Variants in CCDC175 observed in about 807,000 individuals in gnomAD.
CCDC175 encodes coiled-coil domain-containing protein 175.
CCDC175 carries 100 observed loss-of-function variants against 114.6 expected under a neutral mutation model. The ratio of observed to expected loss-of-function variants is 0.87; its 90% CI spans 0.74 to 1.03. The LOEUF (loss-of-function observed/expected upper bound fraction) is 1.03, where lower values mean the gene tolerates loss of function less well. CCDC175 is among the 50% of genes least tolerant of loss of function. The probability of loss-of-function intolerance (pLI) is 0.00; values close to 1 mark genes in which losing one functional copy is unlikely to be tolerated. For missense variants in CCDC175, 880 were observed against 917.8 expected (o/e 0.96, Z 0.53); for synonymous variants, 306 against 308.7 (o/e 0.99, Z 0.09).
chr14:59,551,919 G>A (rs1895525471), intron 7 of CCDC175, among the ~76,000 whole-genome samples: 1 of 152,252 alleles, frequency 6.6e-6, no homozygotes, highest in Non-Finnish European at 1.5e-5. Context: ...CGAGGCTGGG[G>A]GAGGGGCGCC....
rs1566645848 is a variant in CCDC175, at chr14:59,576,548, G to C, written c.157+71C>G. On this transcript the variant is annotated intron_variant, in intron 1 of 19. Transcript: ENST00000537690. Reference sequence around the variant, plus strand: ...TCCGGGAGGAGAGTCCCCGCTCAGGGTTCCCGCTGAGTGCCTCCTAAGCGC... The same window carrying C: ...TCCGGGAGGAGAGTCCCCGCTCAGGCTTCCCGCTGAGTGCCTCCTAAGCGC... The C allele has an allele frequency of 2.8e-5, 37 of 1,329,510 alleles. No individual in the cohort carries two copies. In the East Asian group the frequency reaches 1.1e-3, roughly 39 times the overall value. 82.4% of individuals were successfully genotyped at this position (1,329,510 alleles called of 1,614,324 possible).
At chr14:59,539,348 C>A (rs530784216) in intron 11 of CCDC175, among the ~76,000 whole-genome samples, 6 of 150,292 alleles carry the variant, frequency 4.0e-5, no homozygotes, top group East Asian at 4.0e-4. Context: ...GAGGCCGAGG[C>A]GGGCAGATCA....
rs116602667 is a variant in CCDC175 at position 59,507,155 on chromosome 14, C to T, written c.2306-1840G>A. Among the ~76,000 whole-genome samples the T allele has an allele frequency of 2.4e-3, 366 of 152,272 alleles. 2 individuals are homozygous for T. The highest frequency in any genetic ancestry group is 8.5e-3 in the African/African-American group (354 of 41,542). On this transcript the variant is annotated intron_variant, in intron 19 of 19. Coordinates refer to ENST00000537690, the MANE Select transcript of CCDC175 (RefSeq NM_001164399.2). Reference sequence around the variant, plus strand: ...GTCTGGCCTTTAATGTTCTGACAAGCCTATTCCACACTTGCTGGTTGGTTC... The same window carrying T: ...GTCTGGCCTTTAATGTTCTGACAAGTCTATTCCACACTTGCTGGTTGGTTC...
chr14:59,548,011 T>C (rs1156736592), intron 8 of CCDC175, among the ~76,000 whole-genome samples: 1 of 152,204 alleles, frequency 6.6e-6, no homozygotes, highest in African/African-American at 2.4e-5. Flanking sequence ...TCTATGTTCA[T>C]TGCAGCACTA....
chr14:59,562,387 G>A (rs1269570422), intron 6 of CCDC175, among the ~76,000 whole-genome samples: 1 of 152,066 alleles, frequency 6.6e-6, no homozygotes, highest in African/African-American at 2.4e-5. Context: ...CAACAACAAC[G>A]GCAACAAACT....
At chr14:59,510,179 C>G (rs1456481196) in intron 19 of CCDC175, among the ~76,000 whole-genome samples, 1 of 152,142 alleles carries the variant, frequency 6.6e-6, no homozygotes, top group Non-Finnish European at 1.5e-5. Context: ...AGAGACTGGA[C>G]TGCTTGCTCA....
chr14:59,549,827 A>G (rs1253413575), intron 8 of CCDC175, among the ~76,000 whole-genome samples: 1 of 152,164 alleles, frequency 6.6e-6, no homozygotes, highest in Non-Finnish European at 1.5e-5. Context: ...CTCCTTCAAT[A>G]CAAGGGACAA....
chr14:59,540,610 G>C, intron 11 of CCDC175, 65 bp downstream of exon 11: 2 of 1,426,404 alleles, frequency 1.4e-6, no homozygotes, highest in South Asian at 2.6e-5. Flanking sequence ...TGTTCATTAA[G>C]ATAACATATA....
intron 10 of CCDC175, among the ~76,000 whole-genome samples, chr14:59,541,381 C>G (rs1894777075): frequency 6.6e-6 from 1 of 152,108 alleles, no homozygotes; most frequent in Non-Finnish European, 1.5e-5. Context: ...GTAACAGAAG[C>G]CTTTATTTTT....
chr14:59,565,309 C>T (rs1157227865), intron 4 of CCDC175, 34 bp from the exon 5 acceptor site: 17 of 1,495,036 alleles, frequency 1.1e-5, no homozygotes, highest in Non-Finnish European at 1.4e-5. Context: ...GAGTGAGAAG[C>T]ACAGCTCCTA....
rs207474891 is a variant in CCDC175, at chr14:59,574,928, T to C, written c.243+15A>G. 29 of 1,304,454 alleles carry C rather than the reference T, an allele frequency of 2.2e-5. No individual in the cohort carries two copies. The highest frequency in any genetic ancestry group is 2.5e-5 in the East Asian group (1 of 39,670). 80.8% of individuals were successfully genotyped at this position (1,304,454 alleles called of 1,614,324 possible). Reference sequence around the variant, plus strand: ...TGGAAGATTGAAGAAATGGTTCTTATAGATAATACAATACCAATTTCTTAA... The same window carrying C: ...TGGAAGATTGAAGAAATGGTTCTTACAGATAATACAATACCAATTTCTTAA... On this transcript the variant is annotated intron_variant, in intron 2 of 19. Coordinates refer to ENST00000537690, the MANE Select transcript of CCDC175 (RefSeq NM_001164399.2).
intron 7 of CCDC175, among the ~76,000 whole-genome samples, chr14:59,558,055 G>A (rs545544330): frequency 6.6e-6 from 1 of 152,272 alleles, no homozygotes; most frequent in Non-Finnish European, 1.5e-5. Flanking sequence ...TTTTTGGAAT[G>A]ACCTCTGAAA....
In CCDC175 at chr14:59,505,208, C is replaced by A; in HGVS notation, c.*31G>T. ...ACTCACTTTTCCTGTAGTAGTCTGT[C>A]TTTTGAATTCACAGCAGTTGTATCC... On this transcript the variant is annotated 3_prime_UTR_variant, in exon 20 of 20. Transcript: ENST00000537690. 1.6e-6 allele frequency: 2 copies of A among 1,213,626 alleles called. No homozygotes were observed. The highest frequency in any genetic ancestry group is 1.6e-5 in the South Asian group (1 of 62,714). The allele number at this position is 1,213,626 out of a possible 1,614,324, so 75.2% of individuals were successfully genotyped here.
intron 15 of CCDC175, among the ~76,000 whole-genome samples, chr14:59,525,834 T>C (rs1893704911): frequency 6.6e-6 from 1 of 152,246 alleles, no homozygotes; most frequent in South Asian, 2.1e-4. Flanking sequence ...TACATTATAT[T>C]AGATATTATC....
chr14:59,537,014 A>G (rs183549138), intron 13 of CCDC175, among the ~76,000 whole-genome samples: 45 of 152,150 alleles, frequency 3.0e-4, no homozygotes, highest in African/African-American at 1.0e-3. Flanking sequence ...AACTCCTGAC[A>G]TCGTGATCCA....
intron 8 of CCDC175, 113 bp downstream of exon 8, chr14:59,551,242 T>C: frequency 3.6e-6 from 2 of 559,742 alleles, no homozygotes; most frequent in Non-Finnish European, 5.9e-6. Context: ...AACCATATTA[T>C]TGGTCAATGA....
chr14:59,532,970 G>C (rs1224194110), intron 13 of CCDC175, among the ~76,000 whole-genome samples: 1 of 152,220 alleles, frequency 6.6e-6, no homozygotes, highest in East Asian at 1.9e-4. Context: ...TATCCAAGTT[G>C]TATGCACACA....
chr14:59,553,767 A>G (rs1054508451), intron 7 of CCDC175, among the ~76,000 whole-genome samples: 1 of 152,214 alleles, frequency 6.6e-6, no homozygotes, highest in Non-Finnish European at 1.5e-5. Flanking sequence ...GGATGGAGGA[A>G]GATCTACCAA....
rs1464782776 is a variant in CCDC175 at position 59,510,818 on chromosome 14, T to C, written c.2143-10A>G. On this transcript the variant is annotated splice_polypyrimidine_tract_variant and intron_variant, in intron 18 of 19. Coordinates refer to ENST00000537690, the MANE Select transcript of CCDC175 (RefSeq NM_001164399.2). ...CATTGTCCACCAAGATCTAAAGAAA[T>C]GGCATTTTAGGCTGTGTCAATATAA... The C allele has an allele frequency of 6.5e-7, 1 of 1,534,052 alleles. No homozygotes were observed. The highest frequency in any genetic ancestry group is 8.7e-7 in the Non-Finnish European group (1 of 1,144,302).
Sources: allele counts gnomAD v4.1 joint callset (sites outside exome capture counted in the v4.1 genomes callset), GRCh38; gene constraint gnomAD v4.1.1; transcripts MANE v1.5; gene names NCBI Gene and HGNC (gene_info 2026-07-23, HGNC 2026-07-21).